ANKS1B: variants seen among roughly 807,000 people sequenced by gnomAD.
ANKS1B encodes the protein ankyrin repeat and sterile alpha motif domain-containing protein 1B.
Under a neutral mutation model 148.3 loss-of-function variants are expected in ANKS1B, and 36 were observed. The ratio of observed to expected loss-of-function variants is 0.24; its 90% CI spans 0.19 to 0.32. The LOEUF is 0.32. ANKS1B is among the 10% of genes least tolerant of loss of function. The pLI, the probability that ANKS1B is intolerant of heterozygous loss-of-function variation, is 1.00. For missense variants in ANKS1B, 1,157 were observed against 1,542.6 expected, an observed-to-expected ratio of 0.75 and a Z score of 4.19; for synonymous variants, 542 against 560.8, an observed-to-expected ratio of 0.97 and a Z score of 0.47.
At chr12:99,850,067 G>A (rs1295400871) in intron 1 of ANKS1B, among the ~76,000 whole-genome samples, 3 of 152,072 alleles carry the variant, frequency 2.0e-5, no homozygotes, top group Non-Finnish European at 2.9e-5. Context: ...TCATTAGGGA[G>A]CATGTTATTC....
At chr12:99,034,729 A>T (rs2099954433) in intron 17 of ANKS1B, among the ~76,000 whole-genome samples, 1 of 152,166 alleles carries the variant, frequency 6.6e-6, no homozygotes, top group Non-Finnish European at 1.5e-5. Context: ...AGTATTTAAA[A>T]ACTACTGATG....
chr12:99,669,384 T>C (rs969636351), intron 8 of ANKS1B, among the ~76,000 whole-genome samples: 1 of 152,170 alleles, frequency 6.6e-6, no homozygotes, highest in Admixed American at 6.5e-5. Context: ...CGTTGTGGCA[T>C]AGAGTAAAGT....
chr12:99,953,635 G>C (rs899876859), intron 1 of ANKS1B, among the ~76,000 whole-genome samples: 5 of 151,894 alleles, frequency 3.3e-5, no homozygotes, highest in African/African-American at 4.8e-5. Flanking sequence ...GGAAAGATTT[G>C]AGGAAAGAAT....
intron 14 of ANKS1B, among the ~76,000 whole-genome samples, chr12:99,181,208 C>G (rs897047752): frequency 6.6e-5 from 10 of 151,982 alleles, no homozygotes; most frequent in African/African-American, 2.2e-4. Context: ...GGGATGTTAA[C>G]CATGATCCTT....
intron 17 of ANKS1B, among the ~76,000 whole-genome samples, chr12:98,909,900 T>C (rs2099784438): frequency 6.6e-6 from 1 of 152,230 alleles, no homozygotes; most frequent in African/African-American, 2.4e-5. Flanking sequence ...ACCAGCTTTC[T>C]CTGCTGAGGC....
chr12:99,839,389 A>C (rs934680622), intron 1 of ANKS1B, among the ~76,000 whole-genome samples: 8 of 152,250 alleles, frequency 5.3e-5, no homozygotes, highest in African/African-American at 1.9e-4. Flanking sequence ...AAGGTACTTC[A>C]CTTCATTAGA....
chr12:98,866,697 C>T (rs533700699), intron 17 of ANKS1B, among the ~76,000 whole-genome samples: 1 of 152,214 alleles, frequency 6.6e-6, no homozygotes, highest in South Asian at 2.1e-4. Flanking sequence ...CAACCCTCCT[C>T]GTGCTAGAAA....
At chr12:99,296,471 T>C (rs150253795) in intron 12 of ANKS1B, among the ~76,000 whole-genome samples, 1 of 152,324 alleles carries the variant, frequency 6.6e-6, no homozygotes, top group East Asian at 1.9e-4. Flanking sequence ...CTTTTCTCTT[T>C]ACAGGGATCT....
chr12:99,527,573 C>G (rs893911566), intron 9 of ANKS1B, among the ~76,000 whole-genome samples: 6 of 152,032 alleles, frequency 3.9e-5, no homozygotes, highest in Non-Finnish European at 7.4e-5. Flanking sequence ...TTACAATTAT[C>G]CCAGGTCATG....
intron 9 of ANKS1B, among the ~76,000 whole-genome samples, chr12:99,587,594 T>C (rs1285681300): frequency 6.6e-6 from 1 of 152,136 alleles, no homozygotes; most frequent in African/African-American, 2.4e-5. Context: ...AAAGAGAAAA[T>C]GGGTCCTAAA....
At chr12:99,780,419 G>C (rs1183354764) in intron 5 of ANKS1B, among the ~76,000 whole-genome samples, 1 of 151,382 alleles carries the variant, frequency 6.6e-6, no homozygotes, top group Non-Finnish European at 1.5e-5. Context: ...GGGACTACAG[G>C]TGCCCACCAC....
chr12:99,142,137 A>G (rs888034222), intron 15 of ANKS1B, among the ~76,000 whole-genome samples: 3 of 152,024 alleles, frequency 2.0e-5, no homozygotes, highest in Non-Finnish European at 4.4e-5. Context: ...AGGCGGAAGC[A>G]GGGAGGGCTA....
chr12:99,680,383 G>C (rs2098607271), intron 8 of ANKS1B, among the ~76,000 whole-genome samples: 1 of 152,116 alleles, frequency 6.6e-6, no homozygotes, highest in South Asian at 2.1e-4. Context: ...AGAGGTTGCA[G>C]TGAGCCACGA....
chr12:99,009,608 T>C (rs1031583474), intron 17 of ANKS1B, among the ~76,000 whole-genome samples: 1 of 152,134 alleles, frequency 6.6e-6, no homozygotes, highest in African/African-American at 2.4e-5. Context: ...AAGGATTCCT[T>C]TCCCTGTTTC....
intron 12 of ANKS1B, among the ~76,000 whole-genome samples, chr12:99,333,256 G>T (rs878882057): frequency 6.6e-6 from 1 of 152,018 alleles, no homozygotes; most frequent in Non-Finnish European, 1.5e-5. Context: ...GCTTTAGACT[G>T]GGAAGAGACT....
intron 9 of ANKS1B, among the ~76,000 whole-genome samples, chr12:99,630,072 C>T (rs543388090): frequency 6.6e-6 from 1 of 152,206 alleles, no homozygotes; most frequent in Admixed American, 6.6e-5. Flanking sequence ...AGATGTTCAG[C>T]AGCTGAACAA....
chr12:99,252,366 T>C (rs1441103187), intron 12 of ANKS1B, among the ~76,000 whole-genome samples: 3 of 152,198 alleles, frequency 2.0e-5, no homozygotes, highest in African/African-American at 7.2e-5. Flanking sequence ...TTTCTGAACA[T>C]GACAACAGCA....
intron 14 of ANKS1B, among the ~76,000 whole-genome samples, chr12:99,157,743 C>T (rs1195327857): frequency 6.6e-6 from 1 of 151,990 alleles, no homozygotes; most frequent in Admixed American, 6.6e-5. Context: ...CACTAAAAGC[C>T]CAGACCTCAC....
chr12:99,507,307 G>T (rs1252110043), intron 9 of ANKS1B, among the ~76,000 whole-genome samples: 2 of 151,870 alleles, frequency 1.3e-5, no homozygotes, highest in African/African-American at 4.8e-5. Context: ...TTTACAGTGT[G>T]TATGAACACT....
Sources: allele counts gnomAD v4.1 joint callset (sites outside exome capture counted in the v4.1 genomes callset), GRCh38; gene constraint gnomAD v4.1.1; transcripts MANE v1.5; gene names NCBI Gene and HGNC (gene_info 2026-07-23, HGNC 2026-07-21).